The following ZNF483 variants were observed in gnomAD, a reference collection of about 807,000 sequenced individuals.
ZNF483 encodes zinc finger protein 483, also known as zinc finger protein HIT-10.
A neutral mutation model predicts 28.6 loss-of-function variants in ZNF483; 9 were observed. That is an observed-to-expected ratio of 0.32 (90% CI 0.19 to 0.55). The LOEUF is 0.55. Ranked by LOEUF, ZNF483 falls within the 20% of genes least tolerant of loss-of-function variation. ZNF483 has a pLI of 0.93. For synonymous variants in ZNF483, 322 were observed against 306.2 expected, an observed-to-expected ratio of 1.05 and a Z score of -0.54; for missense variants, 675 against 871.7, an observed-to-expected ratio of 0.77 and a Z score of 2.84.
At chr9:111,569,551 G>A (rs1379364204) in intron 5 of ZNF483, among the ~76,000 whole-genome samples, 1 of 152,188 alleles carries the variant, frequency 6.6e-6, no homozygotes, top group African/African-American at 2.4e-5. Flanking sequence ...ACTGAGGCGG[G>A]CGCATCACTT....
At chr9:111,532,583 G>C (rs1339488379) in intron 3 of ZNF483, among the ~76,000 whole-genome samples, 1 of 152,126 alleles carries the variant, frequency 6.6e-6, no homozygotes, top group Non-Finnish European at 1.5e-5. Context: ...CCAACACCTA[G>C]ATCTCAGACT....
rs1827831377 is a variant in ZNF483 at position 111,547,398 on chromosome 9, A to G, written c.*4228A>G. Among the ~76,000 whole-genome samples, 1 of 152,082 alleles carries G rather than the reference A, an allele frequency of 6.6e-6. No homozygotes were observed. Among genetic ancestry groups the G allele is most frequent in the Admixed American group, 6.6e-5 (1 of 15,260 alleles). ...TTTTGCATTTCCCTAGTGATTAGTG[A>G]TGTTAACTGTCTTTTTATGTGCTTA... On this transcript the variant is annotated 3_prime_UTR_variant, in exon 6 of 6. Transcript: ENST00000309235.
Position 111,551,763 on chromosome 9 carries a change from A to C in ZNF483, c.*8593A>C, listed in dbSNP as rs951958034. Among the ~76,000 whole-genome samples the C allele has an allele frequency of 1.4e-4, 21 of 152,192 alleles. No individual in the cohort carries two copies. Among genetic ancestry groups the C allele is most frequent in the African/African-American group, 4.8e-4 (20 of 41,446 alleles). On this transcript the variant is annotated 3_prime_UTR_variant, in exon 6 of 6. Coordinates refer to ENST00000309235, the MANE Select transcript of ZNF483 (RefSeq NM_133464.5). ...AACTTTTATTAGAAAAATTCATTTA[A>C]TATCTAGGCAAAATTATATCACTTT...
Position 111,564,319 on chromosome 9 carries a change from A to C in ZNF483, c.722-12046A>C, listed in dbSNP as rs1385466512. ...TATTATTATTATTATTATTATTATT[A>C]TTCTGAGACAGGGTCTCACTCTGTC... On this transcript the variant is annotated intron_variant, in intron 5 of 5. Transcript: ENST00000358151. 2.7e-5 allele frequency: 16 copies of C among 588,644 alleles called. No homozygotes were observed. The East Asian group carries it at 8.5e-4, about 31-fold the overall frequency. The allele number at this position is 588,644 out of a possible 1,614,324, so 36.5% of individuals were successfully genotyped here. A position where few individuals can be genotyped will look rare whatever the true frequency, so the allele number is the denominator to read the frequency against.
In ZNF483 at chr9:111,545,659, A is replaced by G. The variant is rs984894344; in HGVS notation, c.*2489A>G. 2.0e-5 allele frequency among the ~76,000 whole-genome samples: 3 copies of G among 152,092 alleles called. No homozygotes were observed. The highest frequency in any genetic ancestry group is 4.8e-5 in the African/African-American group (2 of 41,410). On this transcript the variant is annotated 3_prime_UTR_variant, in exon 6 of 6. Transcript: ENST00000309235. ...TCTTTTTCTGTACATTTTATGTTAT[A>G]TGTGATCTTTCTGTGTTTTTTTCAT...
Position 111,527,575 on chromosome 9 carries a change from C to T in ZNF483, c.180C>T (p.Tyr60=). Residue 60 remains tyrosine, a synonymous_variant, in exon 2 of 6, where the codon TAC becomes TAT. Coordinates refer to ENST00000309235, the MANE Select transcript of ZNF483 (RefSeq NM_133464.5). The part of the protein sequence containing the change: ...SFRQRFRWFC[Y]SEVAGPRKAL... The stretch of plus-strand genomic sequence containing the variant: ...GACAGAGGTTTAGGTGGTTTTGTTA[C>T]TCAGAAGTAGCTGGACCCAGGAAAG... 3.1e-6 allele frequency: 5 copies of T among 1,614,224 alleles called. No homozygotes were observed. Among genetic ancestry groups the T allele is most frequent in the Non-Finnish European group, 4.2e-6 (5 of 1,180,044 alleles).
intron 5 of ZNF483, chr9:111,574,055 C>T (rs1828949954): frequency 6.6e-6 from 1 of 152,232 alleles, no homozygotes; most frequent in Non-Finnish European, 1.5e-5. Flanking sequence ...GCAGTCTGCT[C>T]TTCCCTTCAC....
At chr9:111,557,976 G>A (rs1297557678), downstream of ZNF483, among the ~76,000 whole-genome samples, 3 of 152,104 alleles carry the variant, frequency 2.0e-5, no homozygotes, top group Non-Finnish European at 4.4e-5. Flanking sequence ...GTGAAACTCT[G>A]TCTCTACTAA....
Position 111,527,795 on chromosome 9 carries a change from C to G in ZNF483, c.400C>G (p.Leu134Val), listed in dbSNP as rs1307673472. The change falls in exon 2 of 6, where the codon CTT becomes GTT. Residue 134 changes from leucine to valine, a missense_variant. Coordinates refer to ENST00000309235, the MANE Select transcript of ZNF483 (RefSeq NM_133464.5). ...VTLIEDLTQM[L>V]EEKDPVSQDS... ...CCTAATAGAAGATTTGACCCAGATG[C>G]TTGAAGAAAAAGGTGAGATTTATAG... The G allele has an allele frequency of 6.2e-7, 1 of 1,614,066 alleles. No individual in the cohort carries two copies. Among genetic ancestry groups the G allele is most frequent in the Admixed American group, 1.7e-5 (1 of 60,004 alleles).
At position 111,553,288 on chromosome 9, in the gene ZNF483, A is replaced by G. The variant is rs1328418963; in HGVS notation, c.*10118A>G. ...CACTATACTGTCTCTAGTCTTCTTG[A>G]CTATGCCAGTTGTAGTACCAGCTTC... On this transcript the variant is annotated 3_prime_UTR_variant, in exon 6 of 6. Transcript: ENST00000309235. Among the ~76,000 whole-genome samples the G allele has an allele frequency of 6.6e-6, 1 of 152,178 alleles. No individual in the cohort carries two copies. The highest frequency in any genetic ancestry group is 2.4e-5 in the African/African-American group (1 of 41,440).
intron 3 of ZNF483, among the ~76,000 whole-genome samples, chr9:111,532,922 GAAAA>G (rs1224424862): frequency 6.6e-5 from 10 of 150,480 alleles, no homozygotes; most frequent in Admixed American, 6.0e-4. Flanking sequence ...AAAAAAAAAA[GAAAA>G]AAAAGGAAAG....
rs1827925088 is a variant in ZNF483, at chr9:111,551,027, A to G, written c.*7857A>G. Reference sequence around the variant, plus strand: ...AAGCTGATTGGAAGGTGTTTTAGGTACTTCAGCACCATCCAACAGTAATAT... The same window carrying G: ...AAGCTGATTGGAAGGTGTTTTAGGTGCTTCAGCACCATCCAACAGTAATAT... On this transcript the variant is annotated 3_prime_UTR_variant, in exon 6 of 6. Transcript: ENST00000309235. Among the ~76,000 whole-genome samples, 1 of 152,220 alleles carries G rather than the reference A, an allele frequency of 6.6e-6. No individual in the cohort carries two copies. The highest frequency in any genetic ancestry group is 2.4e-5 in the African/African-American group (1 of 41,466).
chr9:111,574,873 T>C (rs766273165), intron 5 of ZNF483: 3 of 1,483,530 alleles, frequency 2.0e-6, no homozygotes, highest in Non-Finnish European at 2.8e-6. Flanking sequence ...AAATGTTAAA[T>C]AATCTAAATA....
chr9:111,528,418 C>G (rs968981324), intron 2 of ZNF483, among the ~76,000 whole-genome samples: 2 of 152,140 alleles, frequency 1.3e-5, no homozygotes, highest in Non-Finnish European at 2.9e-5. Context: ...TATGTAATTA[C>G]ATATTATAAA....
At chr9:111,566,258 C>T (rs762306787) in intron 5 of ZNF483, among the ~76,000 whole-genome samples, 1 of 152,186 alleles carries the variant, frequency 6.6e-6, no homozygotes, top group Non-Finnish European at 1.5e-5. Context: ...ATCAGCTTCA[C>T]TTTGTTAGAG....
rs1455233706 is a variant in ZNF483 at position 111,533,862 on chromosome 9, C to G, written c.625C>G (p.Leu209Val). The change falls in exon 4 of 6, where the codon CTG (leucine) becomes GTG (valine). Residue 209 changes from leucine to valine, a missense_variant. Leu to Val is a conservative substitution (Grantham distance 32). Coordinates refer to ENST00000309235, the MANE Select transcript of ZNF483 (RefSeq NM_133464.5). ...LLENLRNLEF[L>V]DFPVSKLELI... ...GGAAAACCTCAGGAACCTAGAATTT[C>G]TGGGTAAAGACACCTTTTCTTCATT... 2 of 1,587,776 alleles carry G rather than the reference C, an allele frequency of 1.3e-6. No individual in the cohort carries two copies. Among genetic ancestry groups the G allele is most frequent in the South Asian group, 1.2e-5 (1 of 85,384 alleles).
At chr9:111,570,030 G>C (rs765669854) in intron 5 of ZNF483, 1 of 1,605,028 alleles carries the variant, frequency 6.2e-7, no homozygotes, top group Non-Finnish European at 8.5e-7. Flanking sequence ...CAAAAGCCTT[G>C]AGAGGCAAAG....
downstream of ZNF483, among the ~76,000 whole-genome samples, chr9:111,556,730 T>C (rs956291416): frequency 2.0e-5 from 3 of 152,212 alleles, no homozygotes; most frequent in Non-Finnish European, 4.4e-5. Context: ...TCTGGTTGTT[T>C]AGAAGTGTGT....
In ZNF483 at chr9:111,543,025, G is replaced by A; in HGVS notation, c.2090G>A (p.Gly697Asp). ...GEKPYECNYC[G>D]ATFSRSSILV... ...AAACCCTATGAGTGTAACTATTGTG[G>A]TGCAACCTTTAGTCGAAGCTCAATC... Residue 697 changes from glycine (G) to aspartate (D), a missense_variant, in exon 6 of 6, where the codon GGT (glycine) becomes GAT (aspartate). Around this residue, in one of 6 missense-constraint regions of ZNF483, gnomAD observed 55 missense variants for 72.4 expected, o/e 0.76. Transcript: ENST00000309235. The A allele has an allele frequency of 6.2e-7, 1 of 1,614,140 alleles. No homozygotes were observed.
Sources: allele counts gnomAD v4.1 joint callset (sites outside exome capture counted in the v4.1 genomes callset), GRCh38; gene constraint gnomAD v4.1.1; regional missense constraint gnomAD v4.1.1; transcripts MANE v1.5; gene names NCBI Gene and HGNC (gene_info 2026-07-23, HGNC 2026-07-21).